ZNF34: variants seen among roughly 807,000 people sequenced by gnomAD.
ZNF34 encodes zinc finger protein 34.
ZNF34 carries 8 observed loss-of-function variants against 14.4 expected under a neutral mutation model. The observed-to-expected ratio is 0.55, with a 90% CI of 0.33 to 1.00. ZNF34 has a LOEUF of 1.00. Ranked by LOEUF, ZNF34 falls within the 50% of genes least tolerant of loss-of-function variation. ZNF34 has a pLI of 0.03. For missense variants in ZNF34, 538 were observed against 674.2 expected (o/e 0.80, Z 2.24); for synonymous variants, 235 against 247.9 (o/e 0.95, Z 0.49).
In ZNF34 at chr8:144,773,172, A is replaced by G; in HGVS notation, c.*94T>C. 7.6e-7 allele frequency: 1 copy of G among 1,322,546 alleles called. No individual in the cohort carries two copies. The highest frequency in any genetic ancestry group is 1.6e-5 in the South Asian group (1 of 64,012). The allele number at this position is 1,322,546 out of a possible 1,614,324, so 81.9% of individuals were successfully genotyped here. On this transcript the variant is annotated 3_prime_UTR_variant, in exon 6 of 6. Coordinates refer to ENST00000429371, the MANE Select transcript of ZNF34 (RefSeq NM_001286769.2). This position sits in a 1 kb window ranked among gnomAD's most constrained non-coding sequence, Gnocchi z 5.4. ...AAACGTCCTTTCACTCTGTGAAAAC[A>G]TCGTGTGGATAATACATAAAGGGCA...
chr8:144,778,568 C>G, intron 2 of ZNF34, 43 bp from the exon 3 acceptor site: 2 of 1,455,380 alleles, frequency 1.4e-6, no homozygotes, highest in Non-Finnish European at 9.2e-7. Flanking sequence ...AGTCTGGCCC[C>G]TTCTTCCACA....
intron 5 of ZNF34, among the ~76,000 whole-genome samples, chr8:144,776,863 G>A (rs1253916738): frequency 7.0e-6 from 1 of 142,034 alleles, no homozygotes; most frequent in Non-Finnish European, 1.5e-5. Flanking sequence ...AGTGAGCCAT[G>A]ATCATACCAC....
chr8:144,773,449 C>A lies in ZNF34; in HGVS notation c.1437G>T (p.Glu479Asp), dbSNP rs1586724658. The change falls in exon 6 of 6, where the codon GAG (glutamate) becomes GAT (aspartate). Residue 479 changes from glutamate (E) to aspartate (D), a missense_variant. This residue lies in a region of ZNF34 where 101 missense variants were observed against 123.1 expected (regional missense o/e 0.82). Coordinates refer to ENST00000429371, the MANE Select transcript of ZNF34 (RefSeq NM_001286769.2). This position sits in a 1 kb window ranked among gnomAD's most constrained non-coding sequence, Gnocchi z 5.4. ...LIHHQRLHHG[E>D]KPYRCSDCKK... ...TGCAATCGCTGCATCTGTAGGGTTT[C>A]TCTCCGTGGTGCAGCCTCTGGTGGT... 4 of 1,614,072 alleles carry A rather than the reference C, an allele frequency of 2.5e-6. No homozygotes were observed. The East Asian group carries it at 8.9e-5, about 36-fold the overall frequency.
chr8:144,785,979 G>GTT (rs35149527), intron 1 of ZNF34, among the ~76,000 whole-genome samples: 423 of 99,258 alleles, frequency 4.3e-3, no homozygotes, highest in Non-Finnish European at 5.0e-3. Context: ...TACATAGGTA[G>GTT]TTTTTTTTTT....
At chr8:144,781,240 C>A (rs914542111) in intron 1 of ZNF34, among the ~76,000 whole-genome samples, 1 of 151,532 alleles carries the variant, frequency 6.6e-6, no homozygotes, top group Non-Finnish European at 1.5e-5. Flanking sequence ...ATGGATCTAC[C>A]AAACAGGAAC....
intron 5 of ZNF34, among the ~76,000 whole-genome samples, chr8:144,776,690 G>T (rs1235681569): frequency 6.6e-6 from 1 of 152,044 alleles, no homozygotes; most frequent in African/African-American, 2.4e-5. Context: ...CGAGAGGATC[G>T]CTTGAGCCTA....
intron 5 of ZNF34, 61 bp from the exon 6 acceptor site, chr8:144,774,666 G>C (rs1825392292): frequency 1.3e-5 from 20 of 1,534,976 alleles, no homozygotes; most frequent in Non-Finnish European, 1.7e-5. Context: ...GTAGGCATGA[G>C]ATGCTGCTGG....
In ZNF34 at chr8:144,777,137, G is replaced by A. The variant is rs1437543068; in HGVS notation, c.280+321C>T. ...TATCTGGCATCAGCTCTGGAGCGCAGGGTTCTGTGGGGTTCCGCAGACCCT... is the reference window on the plus strand; with the variant it reads ...TATCTGGCATCAGCTCTGGAGCGCAAGGTTCTGTGGGGTTCCGCAGACCCT... On this transcript the variant is annotated intron_variant, in intron 5 of 5. Transcript: ENST00000429371. The surrounding 1 kb of genome is among the most constrained non-coding windows in gnomAD (Gnocchi z 4.8). Among the ~76,000 whole-genome samples, 3 of 152,006 alleles carry A rather than the reference G, an allele frequency of 2.0e-5. No individual in the cohort carries two copies. The highest frequency in any genetic ancestry group is 1.3e-4 in the Admixed American group (2 of 15,258).
intron 5 of ZNF34, 103 bp from the exon 6 acceptor site, chr8:144,774,708 A>C: frequency 8.6e-6 from 12 of 1,394,694 alleles, no homozygotes; most frequent in Non-Finnish European, 1.1e-5. Flanking sequence ...GATCATCTCC[A>C]AAGTCCCAAC....
At position 144,783,688 on chromosome 8, in the gene ZNF34, C is replaced by T. The variant is rs532123342; in HGVS notation, c.-107-3408G>A. 1.8e-4 allele frequency among the ~76,000 whole-genome samples: 28 copies of T among 152,194 alleles called. No homozygotes were observed. In the East Asian group the frequency reaches 4.4e-3, roughly 24 times the overall value. On this transcript the variant is annotated intron_variant, in intron 1 of 5. Transcript: ENST00000429371. ...AACATTATAAAACTTTATTGAAGTA[C>T]CTTAGAAAGGTCTATGGAGAAACAG...
chr8:144,775,351 C>T (rs1173355477), intron 5 of ZNF34, among the ~76,000 whole-genome samples: 1 of 152,210 alleles, frequency 6.6e-6, no homozygotes, highest in Non-Finnish European at 1.5e-5. Context: ...TATGAAAATG[C>T]TGACTCAGTG....
Position 144,779,941 on chromosome 8 carries a change from C to T in ZNF34, c.-55+287G>A, listed in dbSNP as rs548680870. Among the ~76,000 whole-genome samples, 54 of 150,668 alleles carry T rather than the reference C, an allele frequency of 3.6e-4. No homozygotes were observed. In the South Asian group the frequency reaches 9.8e-3, roughly 27 times the overall value. ...CGGTGGCTCACACCTGTAATCCTAG[C>T]GCTTTGGGAGGCTGAGGCGGGAGGA... On this transcript the variant is annotated intron_variant, in intron 2 of 5. Coordinates refer to ENST00000429371, the MANE Select transcript of ZNF34 (RefSeq NM_001286769.2). This position sits in a 1 kb window ranked among gnomAD's most constrained non-coding sequence, Gnocchi z 4.1.
At chr8:144,780,449 C>T (rs575260649) in intron 1 of ZNF34, among the ~76,000 whole-genome samples, 169 bp from the exon 2 acceptor site, 1 of 152,220 alleles carries the variant, frequency 6.6e-6, no homozygotes, top group South Asian at 2.1e-4. Context: ...TTCAGTGGAC[C>T]ATGACAAATT....
intron 1 of ZNF34, among the ~76,000 whole-genome samples, chr8:144,782,432 G>A (rs1228242612): frequency 1.3e-5 from 2 of 151,982 alleles, no homozygotes; most frequent in Non-Finnish European, 2.9e-5. Flanking sequence ...GGAGGTTGCA[G>A]TGAGTTGAGA....
intron 1 of ZNF34, among the ~76,000 whole-genome samples, chr8:144,785,854 G>T (rs1043260349): frequency 6.6e-6 from 1 of 151,402 alleles, no homozygotes. Context: ...TGTAGAAGAA[G>T]AAAAAACTTC....
chr8:144,786,809 A>G (rs1826271112), intron 1 of ZNF34, among the ~76,000 whole-genome samples: 4 of 151,872 alleles, frequency 2.6e-5, no homozygotes, highest in Admixed American at 2.6e-4. Context: ...GCACTGGCGG[A>G]GCGCGGACGC....
At chr8:144,778,987 C>T (rs541190980) in intron 2 of ZNF34, among the ~76,000 whole-genome samples, 3 of 152,256 alleles carry the variant, frequency 2.0e-5, no homozygotes, top group South Asian at 4.1e-4. Flanking sequence ...CCCTCATGGC[C>T]TTTGGAACAC....
Position 144,773,185 on chromosome 8 carries a change from T to C in ZNF34, c.*81A>G, listed in dbSNP as rs1825265530. The C allele has an allele frequency of 7.1e-7, 1 of 1,411,462 alleles. No individual in the cohort carries two copies. The highest frequency in any genetic ancestry group is 9.5e-7 in the Non-Finnish European group (1 of 1,055,814). The allele number at this position is 1,411,462 out of a possible 1,614,324, so 87.4% of individuals were successfully genotyped here. ...CTCTGTGAAAACATCGTGTGGATAA[T>C]ACATAAAGGGCAGAGTCAGGTGCCG... On this transcript the variant is annotated 3_prime_UTR_variant, in exon 6 of 6. Transcript: ENST00000429371. This position sits in a 1 kb window ranked among gnomAD's most constrained non-coding sequence, Gnocchi z 5.4.
rs1825638727 is a variant in ZNF34, at chr8:144,778,089, C to A, written c.109G>T (p.Gly37Cys). Reference protein sequence around the residue: ...EWGRLGPAQRGLYRDVMLETY... With the variant: ...EWGRLGPAQRCLYRDVMLETY... ...TCCAGCATCACGTCCCTGTAGAGGC[C>A]CCTCTGAGCAGGGCCCAGGCGGCCC... Residue 37 changes from glycine (G) to cysteine (C), a missense_variant, in exon 4 of 6, where the codon GGC becomes TGC. Physicochemically the swap from Gly to Cys is radical, Grantham distance 159. This residue lies in a region of ZNF34 where 431 missense variants were observed against 525.7 expected (regional missense o/e 0.82). Transcript: ENST00000429371. The A allele has an allele frequency of 6.2e-7, 1 of 1,613,940 alleles. No homozygotes were observed. Among genetic ancestry groups the A allele is most frequent in the Non-Finnish European group, 8.5e-7 (1 of 1,179,966 alleles).
Sources: allele counts gnomAD v4.1 joint callset (sites outside exome capture counted in the v4.1 genomes callset), GRCh38; gene constraint gnomAD v4.1.1; regional missense constraint gnomAD v4.1.1; non-coding constraint Gnocchi (gnomAD v3.1); transcripts MANE v1.5; gene names NCBI Gene and HGNC (gene_info 2026-07-23, HGNC 2026-07-21).